The following NCAM2 variants were observed in gnomAD, a reference collection of about 807,000 sequenced individuals.
The protein encoded by NCAM2 is neural cell adhesion molecule 2.
A neutral mutation model predicts 98.1 loss-of-function variants in NCAM2; 30 were observed. That is an observed-to-expected ratio of 0.31 (90% CI 0.23 to 0.41). The LOEUF (loss-of-function observed/expected upper bound fraction) is 0.41, where lower values mean the gene tolerates loss of function less well. Ranked by LOEUF, NCAM2 falls within the 10% of genes least tolerant of loss-of-function variation. The pLI, the probability that NCAM2 is intolerant of heterozygous loss-of-function variation, is 1.00. For synonymous variants in NCAM2, 368 were observed against 342.4 expected (o/e 1.07, Z -0.83); for missense variants, 867 against 1,005.8 (o/e 0.86, Z 1.87).
At chr21:21,396,158 C>G (rs1339960900) in intron 9 of NCAM2, among the ~76,000 whole-genome samples, 1 of 127,292 alleles carries the variant, frequency 7.9e-6, no homozygotes, top group Admixed American at 7.5e-5. Context: ...CCCAAATCAG[C>G]AAGAAAAAAA....
rs1464518091 is a variant in NCAM2, at chr21:21,541,437, TAC to T, written c.*3488_*3489del. ...ATTCATGTCAAAACAATTCTTTTTA[TAC>T]ACACACATGAAATATTCTTAATCTG... On this transcript the variant is annotated 3_prime_UTR_variant, in exon 18 of 18. Transcript: ENST00000400546. 1 of 151,628 alleles carries T rather than the reference TAC, an allele frequency of 6.6e-6. No homozygotes were observed. Among genetic ancestry groups the T allele is most frequent in the Non-Finnish European group, 1.5e-5 (1 of 67,718 alleles). The allele number at this position is 151,628 out of a possible 1,614,324, so 9.4% of individuals were successfully genotyped here.
At chr21:21,403,490 C>T (rs373451968) in intron 9 of NCAM2, among the ~76,000 whole-genome samples, 1 of 152,086 alleles carries the variant, frequency 6.6e-6, no homozygotes, top group African/African-American at 2.4e-5. Context: ...CATCTTTTTC[C>T]TCCACAAACT....
chr21:21,098,566 G>A (rs1173239506), intron 1 of NCAM2, among the ~76,000 whole-genome samples: 1 of 151,670 alleles, frequency 6.6e-6, no homozygotes, highest in Non-Finnish European at 1.5e-5. Flanking sequence ...CATATTTAGT[G>A]TTCACATCTT....
At chr21:21,219,623 T>C (rs2070054341) in intron 1 of NCAM2, among the ~76,000 whole-genome samples, 1 of 152,222 alleles carries the variant, frequency 6.6e-6, no homozygotes, top group South Asian at 2.1e-4. Context: ...GTACTTGATA[T>C]TGATGATCAA....
chr21:21,097,185 T>C (rs546397449), intron 1 of NCAM2, among the ~76,000 whole-genome samples: 1 of 151,772 alleles, frequency 6.6e-6, no homozygotes, highest in Non-Finnish European at 1.5e-5. Context: ...GAATACATGC[T>C]CAGCAGCCAA....
At chr21:21,011,932 A>G (rs2064219608) in intron 1 of NCAM2, among the ~76,000 whole-genome samples, 1 of 152,234 alleles carries the variant, frequency 6.6e-6, no homozygotes, top group African/African-American at 2.4e-5. Flanking sequence ...CCATAAGGAG[A>G]TATCACCTCA....
intron 1 of NCAM2, among the ~76,000 whole-genome samples, chr21:21,241,150 A>G (rs1000725600): frequency 6.6e-6 from 1 of 152,148 alleles, no homozygotes; most frequent in Non-Finnish European, 1.5e-5. Flanking sequence ...TATATGATGC[A>G]AACACTTTCA....
At chr21:21,012,961 T>C in intron 1 of NCAM2, among the ~76,000 whole-genome samples, 1 of 152,210 alleles carries the variant, frequency 6.6e-6, no homozygotes, top group East Asian at 1.9e-4. Context: ...ATAAGTGTCG[T>C]GTATACTCTG....
chr21:21,114,897 T>TGTAA (rs1256082796), intron 1 of NCAM2, among the ~76,000 whole-genome samples: 1 of 152,082 alleles, frequency 6.6e-6, no homozygotes, highest in Non-Finnish European at 1.5e-5. Flanking sequence ...CTTGGCTCAC[T>TGTAA]GTAAGCTCTG....
At chr21:21,176,935 A>T (rs2068310738) in intron 1 of NCAM2, among the ~76,000 whole-genome samples, 1 of 152,000 alleles carries the variant, frequency 6.6e-6, no homozygotes, top group African/African-American at 2.4e-5. Context: ...CCTAACAGAC[A>T]TACCTATTAT....
At chr21:21,428,907 T>G (rs571695135) in intron 11 of NCAM2, among the ~76,000 whole-genome samples, 1 of 152,328 alleles carries the variant, frequency 6.6e-6, no homozygotes, top group South Asian at 2.1e-4. Context: ...TTCCAGTCAC[T>G]TTGTTCTATG....
chr21:21,000,290 A>G (rs1053188879), intron 1 of NCAM2, among the ~76,000 whole-genome samples: 1 of 152,164 alleles, frequency 6.6e-6, no homozygotes, highest in Non-Finnish European at 1.5e-5. Flanking sequence ...AAGTGTAGGT[A>G]GTGTGGGGCA....
At chr21:21,377,974 TG>T (rs545691799) in intron 9 of NCAM2, among the ~76,000 whole-genome samples, 109 of 152,150 alleles carry the variant, frequency 7.2e-4, no homozygotes, top group African/African-American at 2.5e-3. Flanking sequence ...TGAACACCAG[TG>T]TCCTCTAGAT....
intron 9 of NCAM2, among the ~76,000 whole-genome samples, chr21:21,402,397 C>G (rs2076650576): frequency 1.3e-5 from 2 of 152,124 alleles, no homozygotes; most frequent in Admixed American, 6.5e-5. Context: ...CTGCAGTACC[C>G]TCAGGCTGAC....
At chr21:21,029,250 C>T (rs1003905434) in intron 1 of NCAM2, among the ~76,000 whole-genome samples, 1 of 152,136 alleles carries the variant, frequency 6.6e-6, no homozygotes, top group Admixed American at 6.5e-5. Flanking sequence ...TCTTATTTTT[C>T]AGATGAAATC....
chr21:21,458,744 AAGAC>A (rs1466407804), intron 12 of NCAM2, among the ~76,000 whole-genome samples: 3 of 152,142 alleles, frequency 2.0e-5, no homozygotes, highest in African/African-American at 7.2e-5. Flanking sequence ...AGAATGTACT[AAGAC>A]AGAAATATAG....
intron 1 of NCAM2, among the ~76,000 whole-genome samples, chr21:21,085,580 A>G (rs1360582114): frequency 6.6e-6 from 1 of 152,052 alleles, no homozygotes; most frequent in African/African-American, 2.4e-5. Flanking sequence ...TTTCACCACC[A>G]TTCTAGCTGT....
chr21:21,324,434 G>A lies in NCAM2; in HGVS notation c.671G>A (p.Arg224Lys), dbSNP rs781509558. The change falls in exon 6 of 18, where the codon AGA (arginine) becomes AAA (lysine). Residue 224 changes from arginine (R) to lysine (K), a missense_variant. By Grantham distance (26) the Arg-to-Lys change is conservative (BLOSUM62 2). Coordinates refer to ENST00000400546, the MANE Select transcript of NCAM2 (RefSeq NM_004540.5). ...PQKSFNATAERGEEMTFSCRA... is the reference protein window; with the variant it reads ...PQKSFNATAEKGEEMTFSCRA... ...AAATCTTTTAATGCCACAGCAGAGAGAGGAGAAGAAATGACATTTTCCTGC... is the reference window on the plus strand; with the variant it reads ...AAATCTTTTAATGCCACAGCAGAGAAAGGAGAAGAAATGACATTTTCCTGC... 34 of 1,613,678 alleles carry A rather than the reference G, an allele frequency of 2.1e-5. No individual in the cohort carries two copies. In the East Asian group the frequency reaches 7.1e-4, roughly 34 times the overall value.
intron 5 of NCAM2, among the ~76,000 whole-genome samples, chr21:21,317,580 GACC>G (rs1473077389): frequency 6.6e-6 from 1 of 151,424 alleles, no homozygotes; most frequent in Non-Finnish European, 1.5e-5. Context: ...TTGCTCTGTT[GACC>G]AGGCAGTGAC....
Sources: allele counts gnomAD v4.1 joint callset (sites outside exome capture counted in the v4.1 genomes callset), GRCh38; gene constraint gnomAD v4.1.1; transcripts MANE v1.5; gene names NCBI Gene and HGNC (gene_info 2026-07-23, HGNC 2026-07-21).